Variants in LAD1 observed in about 807,000 individuals in gnomAD.
LAD1 encodes the protein ladinin-1.
LAD1 carries 53 observed loss-of-function variants against 54.2 expected under a neutral mutation model. The observed-to-expected ratio is 0.98, with a 90% CI of 0.78 to 1.23. The LOEUF is 1.23. Among genes scored for constraint, LAD1 ranks in the 50% most tolerant of loss-of-function variants. The probability of loss-of-function intolerance (pLI) is 0.00; values close to 1 mark genes in which losing one functional copy is unlikely to be tolerated. For synonymous variants in LAD1, 231 were observed against 257.7 expected, an observed-to-expected ratio of 0.90 and a Z score of 0.99; for missense variants, 637 against 653.3, an observed-to-expected ratio of 0.98 and a Z score of 0.27.
chr1:201,390,370 CAAAAAAA>C, intron 1 of LAD1, among the ~76,000 whole-genome samples: 1 of 112,240 alleles, frequency 8.9e-6, no homozygotes, highest in South Asian at 3.0e-4. Flanking sequence ...ACTAAAAATA[CAAAAAAA>C]AAAAAAAAAA....
At chr1:201,381,948 G>A (rs1305676645) in intron 9 of LAD1, 55 bp from the exon 10 acceptor site, 1 of 1,589,820 alleles carries the variant, frequency 6.3e-7, no homozygotes, top group Non-Finnish European at 8.6e-7. Flanking sequence ...GATGGAAGGG[G>A]AAGGGGGCCA....
chr1:201,390,847 G>A (rs567401973), intron 1 of LAD1, among the ~76,000 whole-genome samples: 62 of 152,306 alleles, frequency 4.1e-4, no homozygotes, highest in Middle Eastern at 6.8e-3. Context: ...TCTGGACCCC[G>A]GGATGAGAAT....
rs3767523 is a variant in LAD1 at position 201,381,545 on chromosome 1, C to T, written c.*343G>A. On this transcript the variant is annotated 3_prime_UTR_variant, in exon 10 of 10. Coordinates refer to ENST00000391967, the MANE Select transcript of LAD1 (RefSeq NM_005558.4). ...CTGGAGTTCTTGAGGGGCGCCGTGC[C>T]CTGACTGTGGATGTGAGCAGGAAGG... 7.8e-6 allele frequency: 3 copies of T among 382,734 alleles called. No homozygotes were observed. The highest frequency in any genetic ancestry group is 8.3e-5 in the Admixed American group (2 of 24,008). The allele number at this position is 382,734 out of a possible 1,614,324, so 23.7% of individuals were successfully genotyped here.
In LAD1 at chr1:201,385,765, G is replaced by A. The variant is rs761612957; in HGVS notation, c.1067C>T (p.Ser356Leu). 1 of 1,614,172 alleles carries A rather than the reference G, an allele frequency of 6.2e-7. No individual in the cohort carries two copies. The highest frequency in any genetic ancestry group is 8.5e-7 in the Non-Finnish European group (1 of 1,179,994). Residue 356 changes from serine to leucine, a missense_variant, in exon 4 of 10, where the codon TCA becomes TTA. Physicochemically the swap from Ser to Leu is moderately radical, Grantham distance 145 (BLOSUM62 -2). Coordinates refer to ENST00000391967, the MANE Select transcript of LAD1 (RefSeq NM_005558.4). ...PSKEEEADMS[S>L]PTQRTYSSSL... The stretch of plus-strand genomic sequence containing the variant: ...GCTGCTGTAGGTTCGCTGTGTGGGT[G>A]AGGACATATCTGCCTCTTCCTCCTT...
chr1:201,394,487 C>T (rs888512244), intron 1 of LAD1, among the ~76,000 whole-genome samples: 6 of 152,234 alleles, frequency 3.9e-5, no homozygotes, highest in African/African-American at 1.4e-4. Flanking sequence ...ATCAAACTAT[C>T]CCCCTATGGC....
At chr1:201,396,457 G>A (rs2102361536) in intron 1 of LAD1, among the ~76,000 whole-genome samples, 1 of 152,290 alleles carries the variant, frequency 6.6e-6, no homozygotes, top group South Asian at 2.1e-4. Flanking sequence ...CATCTATTCT[G>A]CAGCAACTGA....
chr1:201,399,225 TCCCCGCCGACC>T, intron 1 of LAD1, 33 bp downstream of exon 1: 1 of 1,493,652 alleles, frequency 6.7e-7, no homozygotes, highest in Non-Finnish European at 9.0e-7. Flanking sequence ...ACCCAAAGGC[TCCCCGCCGACC>T]CCCCGCCCCT....
chr1:201,381,964 T>C (rs1292646873), intron 9 of LAD1, 71 bp from the exon 10 acceptor site: 19 of 1,516,720 alleles, frequency 1.3e-5, no homozygotes, highest in Non-Finnish European at 1.7e-5. Context: ...GGCCACTGGA[T>C]AGGAAGGCAT....
At chr1:201,384,761 T>C (rs1662039797) in intron 5 of LAD1, 31 bp downstream of exon 5, 5 of 1,612,226 alleles carry the variant, frequency 3.1e-6, no homozygotes, top group South Asian at 1.1e-5. Context: ...CATGGCCAAA[T>C]AGAAAGAACC....
intron 1 of LAD1, among the ~76,000 whole-genome samples, chr1:201,398,550 C>T (rs924585032): frequency 6.6e-6 from 1 of 152,160 alleles, no homozygotes; most frequent in African/African-American, 2.4e-5. Context: ...TCACCAATCT[C>T]CATGAGGGGT....
rs2102353187 is a variant in LAD1, at chr1:201,380,868, A to G, written c.*1020T>C. The stretch of plus-strand genomic sequence containing the variant: ...ATGATTTAAATTTTTGAAAAGTTGT[A>G]AACCACAGCTTTAAGGGGTTAACAG... On this transcript the variant is annotated 3_prime_UTR_variant, in exon 10 of 10. Coordinates refer to ENST00000391967, the MANE Select transcript of LAD1 (RefSeq NM_005558.4). The G allele has an allele frequency of 6.6e-6, 1 of 152,282 alleles. No individual in the cohort carries two copies. Among genetic ancestry groups the G allele is most frequent in the East Asian group, 1.9e-4 (1 of 5,182 alleles). The allele number at this position is 152,282 out of a possible 1,614,324, so 9.4% of individuals were successfully genotyped here. A position where few individuals can be genotyped will look rare whatever the true frequency, so the allele number is the denominator to read the frequency against.
chr1:201,392,621 G>C (rs1297536208), intron 1 of LAD1, among the ~76,000 whole-genome samples: 1 of 152,212 alleles, frequency 6.6e-6, no homozygotes. Flanking sequence ...CAGGGCCAGA[G>C]TGGCCCACAG....
chr1:201,382,697 G>A lies in LAD1; in HGVS notation c.1429C>T (p.Leu477=), dbSNP rs1204180647. Residue 477 remains leucine (L), a synonymous_variant, in exon 8 of 10, where the codon CTG becomes TTG. Coordinates refer to ENST00000391967, the MANE Select transcript of LAD1 (RefSeq NM_005558.4). The part of the protein sequence containing the change: ...LSGVVTSRLN[L]WISRTQESGD... ...GATTCCTGGGTCCTGCTGATCCACAGGTTGAGCCTTGATGTCACAACCCCT... is the reference window on the plus strand; with the variant it reads ...GATTCCTGGGTCCTGCTGATCCACAAGTTGAGCCTTGATGTCACAACCCCT... 23 of 1,608,410 alleles carry A rather than the reference G, an allele frequency of 1.4e-5. No homozygotes were observed. Among genetic ancestry groups the A allele is most frequent in the Non-Finnish European group, 1.8e-5 (21 of 1,177,768 alleles).
intron 2 of LAD1, among the ~76,000 whole-genome samples, chr1:201,388,301 T>C (rs1662134109): frequency 6.6e-6 from 1 of 150,386 alleles, no homozygotes; most frequent in Admixed American, 6.6e-5. Context: ...TGAGGCAAAA[T>C]AGCTTGAACC....
At chr1:201,392,941 T>C (rs1384171834) in intron 1 of LAD1, among the ~76,000 whole-genome samples, 1 of 152,082 alleles carries the variant, frequency 6.6e-6, no homozygotes, top group African/African-American at 2.4e-5. Context: ...ATTCGGGACA[T>C]GTTCTGAAGA....
At chr1:201,384,006 G>T (rs1045261444) in intron 5 of LAD1, among the ~76,000 whole-genome samples, 2 of 152,200 alleles carry the variant, frequency 1.3e-5, no homozygotes, top group African/African-American at 4.8e-5. Context: ...ACCTTCCCCA[G>T]CTCTCACAGG....
chr1:201,399,162 C>A, intron 1 of LAD1, 107 bp downstream of exon 1: 2 of 953,356 alleles, frequency 2.1e-6, no homozygotes, highest in South Asian at 2.8e-5. Context: ...CAGGATCCAG[C>A]CTCAGTGTCA....
intron 1 of LAD1, among the ~76,000 whole-genome samples, chr1:201,395,028 G>A (rs1008332593): frequency 3.9e-5 from 6 of 152,186 alleles, no homozygotes; most frequent in Non-Finnish European, 7.3e-5. Flanking sequence ...CTCAGCTGCA[G>A]GACTCAGAAC....
chr1:201,399,073 G>A (rs745499410), intron 1 of LAD1, among the ~76,000 whole-genome samples, 196 bp downstream of exon 1: 4 of 152,216 alleles, frequency 2.6e-5, no homozygotes, highest in African/African-American at 9.6e-5. Flanking sequence ...CTCAGGCCCC[G>A]AGGGGAGAAG....
Sources: allele counts gnomAD v4.1 joint callset (sites outside exome capture counted in the v4.1 genomes callset), GRCh38; gene constraint gnomAD v4.1.1; transcripts MANE v1.5; gene names NCBI Gene and HGNC (gene_info 2026-07-23, HGNC 2026-07-21).